Variants in BPTF observed in about 807,000 individuals in gnomAD.
BPTF encodes the protein nucleosome-remodeling factor subunit BPTF.
Under a neutral mutation model 292.5 loss-of-function variants are expected in BPTF, and 18 were observed. The observed-to-expected ratio is 0.06, with a 90% confidence interval of 0.04 to 0.09. The LOEUF is 0.09. Among genes scored for constraint, BPTF ranks in the 10% least tolerant of loss-of-function variants. The pLI, the probability that BPTF is intolerant of heterozygous loss-of-function variation, is 1.00. For missense variants in BPTF, 2,726 were observed against 3,498.7 expected, an observed-to-expected ratio of 0.78 and a Z score of 5.57; for synonymous variants, 1,225 against 1,251.9, an observed-to-expected ratio of 0.98 and a Z score of 0.45.
intron 7 of BPTF, among the ~76,000 whole-genome samples, chr17:67,901,034 G>C (rs1392609494): frequency 6.6e-6 from 1 of 150,864 alleles, no homozygotes; most frequent in African/African-American, 2.4e-5. Flanking sequence ...AAAAAGAAAA[G>C]AAAAAAAAGT....
At chr17:67,832,732 T>G (rs529356922) in intron 1 of BPTF, among the ~76,000 whole-genome samples, 1 of 151,212 alleles carries the variant, frequency 6.6e-6, no homozygotes, top group African/African-American at 2.4e-5. Context: ...ACCTCCCTCC[T>G]GCTCATCCCT....
chr17:67,920,360 C>T (rs773984672), intron 13 of BPTF, among the ~76,000 whole-genome samples: 15 of 152,170 alleles, frequency 9.9e-5, no homozygotes, highest in Non-Finnish European at 2.1e-4. Context: ...CAGCAAAGGG[C>T]TATAATAATA....
intron 1 of BPTF, among the ~76,000 whole-genome samples, chr17:67,850,840 T>C (rs1369493573): frequency 1.3e-5 from 2 of 152,214 alleles, no homozygotes; most frequent in Non-Finnish European, 1.5e-5. Flanking sequence ...TATAAACATA[T>C]TAAATGCTCT....
intron 8 of BPTF, 47 bp downstream of exon 8, chr17:67,903,965 A>G: frequency 6.7e-7 from 1 of 1,497,586 alleles, no homozygotes; most frequent in East Asian, 2.4e-5. Flanking sequence ...CATTTCTGAG[A>G]CTTTTATTCT....
chr17:67,918,707 CT>C lies in BPTF; in HGVS notation c.5304-4del. 1 of 1,611,434 alleles carries C rather than the reference CT, an allele frequency of 6.2e-7. No individual in the cohort carries two copies. Among genetic ancestry groups the C allele is most frequent in the Non-Finnish European group, 8.5e-7 (1 of 1,178,154 alleles). ...ATATATATGGATTTCTTTGGTTTTC[CT>C]TTCAGGTATAGACTTCAGACAGTAA... On this transcript the variant is annotated splice_region_variant and splice_polypyrimidine_tract_variant and intron_variant, in intron 11 of 27. Coordinates refer to ENST00000306378, the MANE Select transcript of BPTF (RefSeq NM_182641.4).
chr17:67,921,690 G>A (rs984357634), intron 13 of BPTF, among the ~76,000 whole-genome samples: 3 of 152,144 alleles, frequency 2.0e-5, no homozygotes, highest in African/African-American at 7.2e-5. Flanking sequence ...TTTGAAAAGA[G>A]TACCAATGAA....
intron 17 of BPTF, 136 bp from the exon 18 acceptor site, chr17:67,931,775 G>A: frequency 3.5e-6 from 2 of 577,220 alleles, no homozygotes; most frequent in Non-Finnish European, 2.9e-6. Context: ...AATTTAAAAT[G>A]TAATGTTCAA....
At chr17:67,976,318 C>G (rs1421577626) in intron 27 of BPTF, among the ~76,000 whole-genome samples, 2 of 152,136 alleles carry the variant, frequency 1.3e-5, no homozygotes, top group Non-Finnish European at 2.9e-5. Flanking sequence ...ACCAAAAATA[C>G]AAAAATTAGC....
chr17:67,876,970 G>C (rs1295687663), intron 4 of BPTF, among the ~76,000 whole-genome samples: 1 of 152,168 alleles, frequency 6.6e-6, no homozygotes, highest in Non-Finnish European at 1.5e-5. Context: ...TGAAGATGCT[G>C]TACCTACAAA....
chr17:67,949,622 CAT>C (rs1447391421), intron 23 of BPTF, among the ~76,000 whole-genome samples: 40 of 144,914 alleles, frequency 2.8e-4, no homozygotes. Flanking sequence ...TACACACACA[CAT>C]ATATACACAT....
Position 67,982,386 on chromosome 17 carries a change from A to T in BPTF, c.*98A>T, listed in dbSNP as rs1555697129. On this transcript the variant is annotated 3_prime_UTR_variant, in exon 28 of 28. Coordinates refer to ENST00000306378, the MANE Select transcript of BPTF (RefSeq NM_182641.4). Reference sequence around the variant, plus strand: ...AGATGTTTTTAGTCAGGCTATCCTGACAAGACTTGACCTAAACTTCGTTTT... The same window carrying T: ...AGATGTTTTTAGTCAGGCTATCCTGTCAAGACTTGACCTAAACTTCGTTTT... The T allele has an allele frequency of 1.7e-6, 2 of 1,157,948 alleles. No individual in the cohort carries two copies. Among genetic ancestry groups the T allele is most frequent in the Non-Finnish European group, 2.5e-6 (2 of 793,426 alleles). 71.7% of individuals were successfully genotyped at this position (1,157,948 alleles called of 1,614,324 possible).
rs1466923732 is a variant in BPTF at position 67,883,004 on chromosome 17, AAAAAAAAAAAAAAAAAG to A, written c.1864+7989_1864+8005del. On this transcript the variant is annotated intron_variant, in intron 4 of 27. Coordinates refer to ENST00000306378, the MANE Select transcript of BPTF (RefSeq NM_182641.4). The stretch of plus-strand genomic sequence containing the variant: ...GGTGATAGAGCCAGACGTTGTCTAA[AAAAAAAAAAAAAAAAAG>A]AAAAGAAAAAAGGGCTGGGCTTGGT... 1.4e-5 allele frequency among the ~76,000 whole-genome samples: 2 copies of A among 145,562 alleles called. 1 individual carries two copies. Among genetic ancestry groups the A allele is most frequent in the South Asian group, 4.3e-4 (2 of 4,662 alleles).
At chr17:67,902,336 A>T (rs1249110469) in intron 7 of BPTF, among the ~76,000 whole-genome samples, 1 of 152,132 alleles carries the variant, frequency 6.6e-6, no homozygotes, top group East Asian at 1.9e-4. Flanking sequence ...GGTGTATAGA[A>T]GCCAAGCCCT....
At chr17:67,900,184 A>G (rs979470097) in intron 7 of BPTF, among the ~76,000 whole-genome samples, 1 of 152,020 alleles carries the variant, frequency 6.6e-6, no homozygotes, top group African/African-American at 2.4e-5. Context: ...GGCTCACTGC[A>G]ACCTCCACCT....
chr17:67,836,644 A>G (rs1325556145), intron 1 of BPTF, among the ~76,000 whole-genome samples: 1 of 152,230 alleles, frequency 6.6e-6, no homozygotes, highest in Admixed American at 6.5e-5. Flanking sequence ...TAAAACTCCA[A>G]GGAGAAACAG....
At chr17:67,974,337 C>T (rs2069140441) in intron 26 of BPTF, 2 of 152,032 alleles carry the variant, frequency 1.3e-5, no homozygotes, top group Admixed American at 1.3e-4. Context: ...CTACGGTCAA[C>T]GTGGGAGAAT....
chr17:67,925,051 G>GTTT (rs59056539), intron 15 of BPTF, among the ~76,000 whole-genome samples: 1 of 126,136 alleles, frequency 7.9e-6, no homozygotes. Flanking sequence ...ACCCATCCAG[G>GTTT]TTTTTTTTTT....
chr17:67,922,948 A>C lies in BPTF; in HGVS notation c.5666A>C (p.Glu1889Ala). Residue 1889 changes from glutamate to alanine, a missense_variant, in exon 14 of 28, where the codon GAA becomes GCA. Physicochemically the swap from Glu to Ala is moderately radical, Grantham distance 107 (BLOSUM62 -1). This residue lies in a region of BPTF where 198 missense variants were observed against 277.1 expected (regional missense o/e 0.71). Transcript: ENST00000306378. ...GTTATTATTGAAACCTGGGTAGCAG[A>C]AGAAGAACTGGAATTGTGGGAGATC... is the stretch of plus-strand genomic sequence containing the variant. ...GPVIIETWVA[E>A]EELELWEIRA... 1 of 1,614,146 alleles carries C rather than the reference A, an allele frequency of 6.2e-7. No individual in the cohort carries two copies. The highest frequency in any genetic ancestry group is 8.5e-7 in the Non-Finnish European group (1 of 1,180,012).
intron 14 of BPTF, 94 bp from the exon 15 acceptor site, chr17:67,924,453 T>A (rs2063706831): frequency 1.6e-6 from 2 of 1,223,628 alleles, no homozygotes; most frequent in Non-Finnish European, 2.3e-6. Context: ...ATCATACCTT[T>A]GTATGATGTG....
Sources: allele counts gnomAD v4.1 joint callset (sites outside exome capture counted in the v4.1 genomes callset), GRCh38; gene constraint gnomAD v4.1.1; regional missense constraint gnomAD v4.1.1; transcripts MANE v1.5; gene names NCBI Gene and HGNC (gene_info 2026-07-23, HGNC 2026-07-21).